Variants in PAIP1 observed in about 807,000 individuals in gnomAD.
PAIP1 encodes polyadenylate-binding protein-interacting protein 1.
PAIP1 carries 16 observed loss-of-function variants against 61.3 expected under a neutral mutation model. The observed-to-expected ratio is 0.26, with a 90% CI of 0.18 to 0.40. PAIP1 has a LOEUF of 0.40. Ranked by LOEUF, PAIP1 falls within the 10% of genes least tolerant of loss-of-function variation. The pLI, the probability that PAIP1 is intolerant of heterozygous loss-of-function variation, is 1.00. For missense variants in PAIP1, 416 were observed against 600.9 expected (o/e 0.69, Z 3.22); for synonymous variants, 187 against 226.2 (o/e 0.83, Z 1.56).
chr5:43,549,097 T>G (rs1747757730), intron 2 of PAIP1, among the ~76,000 whole-genome samples: 1 of 152,132 alleles, frequency 6.6e-6, no homozygotes, highest in African/African-American at 2.4e-5. Context: ...TGCACCACCA[T>G]GCCTGGCTAA....
At chr5:43,556,163 A>C in intron 1 of PAIP1, 164 bp from the exon 2 acceptor site, 1 of 1,413,992 alleles carries the variant, frequency 7.1e-7, no homozygotes, top group South Asian at 1.6e-5. Flanking sequence ...AGCCTACAAA[A>C]AGGAACAATA....
At chr5:43,546,315 AAC>A (rs1330178696) in intron 3 of PAIP1, among the ~76,000 whole-genome samples, 1 of 152,236 alleles carries the variant, frequency 6.6e-6, no homozygotes, top group Non-Finnish European at 1.5e-5. Flanking sequence ...GAATAACTGA[AAC>A]TAAATAGTGG....
At position 43,536,893 on chromosome 5, in the gene PAIP1, G is replaced by C; in HGVS notation, c.898C>G (p.Leu300Val). 1.3e-6 allele frequency: 2 copies of C among 1,584,728 alleles called. No individual in the cohort carries two copies. The highest frequency in any genetic ancestry group is 1.7e-6 in the Non-Finnish European group (2 of 1,159,138). Residue 300 changes from leucine to valine, a missense_variant, in exon 6 of 11, where the codon CTT becomes GTT. Coordinates refer to ENST00000306846, the MANE Select transcript of PAIP1 (RefSeq NM_006451.5). ...VTRADILQVG[L>V]RELLNALFSN... ...AACAGGGCATTCAGCAATTCTCGAA[G>C]ACCAACCTGAAGAATATCTGCTCTT... is the stretch of plus-strand genomic sequence containing the variant.
rs540684238 is a variant in PAIP1, at chr5:43,534,906, C to T, written c.1144G>A (p.Ala382Thr). The T allele has an allele frequency of 4.4e-6, 7 of 1,608,868 alleles. No individual in the cohort carries two copies. Among genetic ancestry groups the T allele is most frequent in the Admixed American group, 1.7e-5 (1 of 59,986 alleles). The change falls in exon 8 of 11, where the codon GCA becomes ACA. Residue 382 changes from alanine (A) to threonine (T), a missense_variant. By Grantham distance (58) the Ala-to-Thr change is moderately conservative. Around this residue, in one of 4 missense-constraint regions of PAIP1, gnomAD observed 135 missense variants for 283.9 expected, o/e 0.48. Coordinates refer to ENST00000306846, the MANE Select transcript of PAIP1 (RefSeq NM_006451.5). The part of the protein sequence containing the change: ...LRSSNWGRVH[A>T]TSTYREATPE... ...GTTGCTTCTCTATATGTTGAAGTTG[C>T]ATGGACTCTGCCCCAGTTACTTGAC...
chr5:43,538,499 T>TA (rs1747247984), intron 5 of PAIP1, among the ~76,000 whole-genome samples: 1 of 152,178 alleles, frequency 6.6e-6, no homozygotes, highest in Non-Finnish European at 1.5e-5. Context: ...TTGGGTGAAT[T>TA]AGAGTGAAAA....
chr5:43,536,681 A>G lies in PAIP1; in HGVS notation c.972+138T>C, dbSNP rs867536171. The G allele has an allele frequency of 4.7e-5, 23 of 487,802 alleles. No homozygotes were observed. The South Asian group carries it at 8.3e-4, about 18-fold the overall frequency. 30.2% of individuals were successfully genotyped at this position (487,802 alleles called of 1,614,324 possible). A position where few individuals can be genotyped will look rare whatever the true frequency, so the allele number is the denominator to read the frequency against. On this transcript the variant is annotated intron_variant, in intron 6 of 10. Coordinates refer to ENST00000306846, the MANE Select transcript of PAIP1 (RefSeq NM_006451.5). ...AATAAGTATATCTCGCTTTTCCAAA[A>G]TATTCGAGAAAAAAGTAAAATGTCA...
chr5:43,556,973 C>A lies in PAIP1; in HGVS notation c.-127G>T. On this transcript the variant is annotated 5_prime_UTR_variant, in exon 1 of 11. Coordinates refer to ENST00000306846, the MANE Select transcript of PAIP1 (RefSeq NM_006451.5). ...ACTCGGGCCTCATGGAGGAGGAGGG[C>A]GGCGGGCCCCGGCTCGGCTGCTCGG... The A allele has an allele frequency of 8.1e-7, 1 of 1,235,586 alleles. No homozygotes were observed. The highest frequency in any genetic ancestry group is 1.0e-6 in the Non-Finnish European group (1 of 985,442). 76.5% of individuals were successfully genotyped at this position (1,235,586 alleles called of 1,614,324 possible).
chr5:43,551,659 G>A (rs1250506622), intron 2 of PAIP1, among the ~76,000 whole-genome samples: 2 of 151,972 alleles, frequency 1.3e-5, no homozygotes, highest in Non-Finnish European at 2.9e-5. Context: ...CAAAGGTACG[G>A]GTCCCAGCTG....
intron 6 of PAIP1, 45 bp from the exon 7 acceptor site, chr5:43,535,685 T>C: frequency 9.5e-7 from 1 of 1,048,442 alleles, no homozygotes; most frequent in South Asian, 1.3e-5. Flanking sequence ...AATAGTGTAT[T>C]ATAGAAATTC....
chr5:43,555,840 G>A lies in PAIP1; in HGVS notation c.425C>T (p.Ser142Phe), dbSNP rs1320421758. The change falls in exon 2 of 11, where the codon TCC becomes TTC. Residue 142 changes from serine (S) to phenylalanine (F), a missense_variant. This residue lies in a region of PAIP1 where 180 missense variants were observed against 211.2 expected (regional missense o/e 0.85). Transcript: ENST00000306846. Reference protein sequence around the residue: ...APEFYPSGYSSSYTESYEDGC... With the variant: ...APEFYPSGYSFSYTESYEDGC... ...AAAGGGTGTACTTACTGTGTAACTGGAAGAATAACCTGAAGGGTAAAATTC... is the reference window on the plus strand; with the variant it reads ...AAAGGGTGTACTTACTGTGTAACTGAAAGAATAACCTGAAGGGTAAAATTC... 8 of 1,609,940 alleles carry A rather than the reference G, an allele frequency of 5.0e-6. No individual in the cohort carries two copies. Among genetic ancestry groups the A allele is most frequent in the Admixed American group, 1.7e-5 (1 of 59,562 alleles).
At chr5:43,556,496 G>A in intron 1 of PAIP1, 86 bp downstream of exon 1, 2 of 1,211,156 alleles carry the variant, frequency 1.7e-6, no homozygotes, top group Non-Finnish European at 1.0e-6. Flanking sequence ...GGGGACCGCA[G>A]ACAGCGCGTC....
chr5:43,531,831 G>C (rs61156250), intron 9 of PAIP1, among the ~76,000 whole-genome samples: 1 of 151,676 alleles, frequency 6.6e-6, no homozygotes, highest in Non-Finnish European at 1.5e-5. Context: ...AGTTTAAGAC[G>C]GTTAAGGCAA....
intron 10 of PAIP1, among the ~76,000 whole-genome samples, chr5:43,528,879 T>C (rs1283898070): frequency 1.3e-5 from 2 of 152,308 alleles, no homozygotes; most frequent in Middle Eastern, 3.4e-3. Context: ...CTGGTCCTTC[T>C]ATAAGAAAAT....
chr5:43,528,252 G>A (rs79152701), intron 10 of PAIP1, among the ~76,000 whole-genome samples: 2,543 of 152,140 alleles, frequency 0.017, 68 homozygotes, highest in African/African-American at 0.058. Flanking sequence ...AGTGTGTGGC[G>A]GGGCCAGAAT....
At chr5:43,545,432 A>G (rs13359906) in intron 3 of PAIP1, among the ~76,000 whole-genome samples, 73,958 of 152,072 alleles carry the variant, frequency 0.49, 18,836 homozygotes, top group Middle Eastern at 0.63. Context: ...GAAGGGTTAC[A>G]ACAAAATTTC....
chr5:43,543,844 C>T (rs944244814), intron 3 of PAIP1, among the ~76,000 whole-genome samples: 1 of 151,982 alleles, frequency 6.6e-6, no homozygotes, highest in Non-Finnish European at 1.5e-5. Flanking sequence ...AGAAAACACA[C>T]ATTAAAAGGT....
chr5:43,544,148 A>T (rs1033346496), intron 3 of PAIP1, among the ~76,000 whole-genome samples: 269 of 65,242 alleles, frequency 4.1e-3, no homozygotes, highest in Admixed American at 7.3e-3. Flanking sequence ...CATCTTTTTA[A>T]AAAAAAAAAA....
In PAIP1 at chr5:43,527,346, T is replaced by G; in HGVS notation, c.*30A>C. On this transcript the variant is annotated 3_prime_UTR_variant, in exon 11 of 11. Coordinates refer to ENST00000306846, the MANE Select transcript of PAIP1 (RefSeq NM_006451.5). ...TGCTAAATCACCATACCTAAACTGCTTTATAAAACTGATATGCTGAAATTT... is the reference window on the plus strand; with the variant it reads ...TGCTAAATCACCATACCTAAACTGCGTTATAAAACTGATATGCTGAAATTT... 1 of 1,552,458 alleles carries G rather than the reference T, an allele frequency of 6.4e-7. No homozygotes were observed. Among genetic ancestry groups the G allele is most frequent in the Non-Finnish European group, 8.7e-7 (1 of 1,149,342 alleles).
At chr5:43,550,861 C>CAAAAAAAAAAAAAA (rs1188667779) in intron 2 of PAIP1, among the ~76,000 whole-genome samples, 1 of 58,910 alleles carries the variant, frequency 1.7e-5, no homozygotes, top group Non-Finnish European at 3.4e-5. Flanking sequence ...AAAAAAAAAG[C>CAAAAAAAAAAAAAA]AAAAAGCCAA....
Sources: gnomAD v4.1 joint callset for allele counts (sites outside exome capture counted in the v4.1 genomes callset) on GRCh38, gnomAD v4.1.1 for gene constraint, gnomAD v4.1.1 regional missense constraint, MANE v1.5 for transcripts, NCBI Gene and HGNC (gene_info 2026-07-23, HGNC 2026-07-21) for gene names.